Variants in GRM3 observed in about 807,000 individuals in gnomAD.
GRM3 encodes metabotropic glutamate receptor 3.
A neutral mutation model predicts 70.5 loss-of-function variants in GRM3; 26 were observed. That is an observed-to-expected ratio of 0.37 (90% CI 0.27 to 0.51). The LOEUF (loss-of-function observed/expected upper bound fraction) is 0.51, where lower values mean the gene tolerates loss of function less well. Among genes scored for constraint, GRM3 ranks in the 20% least tolerant of loss-of-function variants. The pLI, the probability that GRM3 is intolerant of heterozygous loss-of-function variation, is 0.93. For synonymous variants in GRM3, 443 were observed against 434.9 expected, an observed-to-expected ratio of 1.02 and a Z score of -0.23; for missense variants, 859 against 1,123.8, an observed-to-expected ratio of 0.76 and a Z score of 3.37.
chr7:86,769,494 G>T (rs1796686626), intron 2 of GRM3, among the ~76,000 whole-genome samples: 1 of 152,018 alleles, frequency 6.6e-6, no homozygotes, highest in Non-Finnish European at 1.5e-5. Context: ...CCCCATTTGG[G>T]CCTGGATTCC....
At chr7:86,675,674 G>A (rs1794288689) in intron 1 of GRM3, among the ~76,000 whole-genome samples, 1 of 152,018 alleles carries the variant, frequency 6.6e-6, no homozygotes, top group African/African-American at 2.4e-5. Context: ...ATATTGATCT[G>A]ATTTATCTCT....
intron 1 of GRM3, among the ~76,000 whole-genome samples, chr7:86,726,457 T>C (rs546312826): frequency 6.6e-6 from 1 of 152,336 alleles, no homozygotes; most frequent in African/African-American, 2.4e-5. Context: ...TTGCAATATA[T>C]AGTTCAGAGT....
chr7:86,732,122 T>C (rs1269119453), intron 1 of GRM3, among the ~76,000 whole-genome samples: 2 of 152,202 alleles, frequency 1.3e-5, no homozygotes, highest in Non-Finnish European at 2.9e-5. Flanking sequence ...ATATTCTATA[T>C]GGACTATCTT....
chr7:86,776,306 G>A (rs1018928351), intron 2 of GRM3, among the ~76,000 whole-genome samples: 16 of 152,294 alleles, frequency 1.1e-4, no homozygotes, highest in South Asian at 2.1e-4. Flanking sequence ...CACACAGCTA[G>A]TGAGAGGAGC....
intron 1 of GRM3, among the ~76,000 whole-genome samples, chr7:86,748,179 C>T (rs1284000996): frequency 6.6e-6 from 1 of 151,968 alleles, no homozygotes; most frequent in Non-Finnish European, 1.5e-5. Context: ...TCAGAGCATA[C>T]ACTTTATGTT....
At chr7:86,695,512 T>C (rs1188060584) in intron 1 of GRM3, among the ~76,000 whole-genome samples, 6 of 152,170 alleles carry the variant, frequency 3.9e-5, no homozygotes, top group Non-Finnish European at 7.4e-5. Context: ...AATGCAGTCA[T>C]CCACTCTATT....
intron 3 of GRM3, chr7:86,833,237 G>A (rs1798388731): frequency 7.4e-6 from 1 of 134,264 alleles, no homozygotes; most frequent in Non-Finnish European, 1.5e-5. Context: ...CACACTCTGG[G>A]GACTGTTGTG....
At position 86,653,768 on chromosome 7, in the gene GRM3, C is replaced by A. The variant is rs574284543; in HGVS notation, c.-141+8896C>A. On this transcript the variant is annotated intron_variant, in intron 1 of 5. Transcript: ENST00000361669. ...TGATATTCTTATTAGAAAACCTTCT[C>A]ACTTTTAATATTTTATCCTATATTT... Among the ~76,000 whole-genome samples the A allele has an allele frequency of 3.3e-5, 5 of 151,970 alleles. No homozygotes were observed. The East Asian group carries it at 5.8e-4, about 18-fold the overall frequency.
intron 1 of GRM3, among the ~76,000 whole-genome samples, chr7:86,737,252 A>C (rs894083531): frequency 6.6e-6 from 1 of 152,198 alleles, no homozygotes; most frequent in Non-Finnish European, 1.5e-5. Flanking sequence ...AAGGGCCAAA[A>C]CCCAGTGCTT....
intron 2 of GRM3, among the ~76,000 whole-genome samples, chr7:86,776,817 C>T (rs894804030): frequency 6.6e-6 from 1 of 152,158 alleles, no homozygotes; most frequent in African/African-American, 2.4e-5. Flanking sequence ...GGAAGTCATG[C>T]TTTCGCAGGT....
intron 1 of GRM3, among the ~76,000 whole-genome samples, chr7:86,666,842 C>T (rs1794039809): frequency 6.6e-6 from 1 of 152,030 alleles, no homozygotes; most frequent in African/African-American, 2.4e-5. Context: ...TTCTGTTTAT[C>T]CCATATGGAT....
chr7:86,725,848 T>G (rs527665922), intron 1 of GRM3, among the ~76,000 whole-genome samples: 1 of 152,080 alleles, frequency 6.6e-6, no homozygotes, highest in Non-Finnish European at 1.5e-5. Flanking sequence ...TGTCCTCACA[T>G]GGCAGAAGAA....
chr7:86,824,725 A>G (rs1404150577), intron 3 of GRM3, among the ~76,000 whole-genome samples: 5 of 152,218 alleles, frequency 3.3e-5, no homozygotes, highest in Admixed American at 6.5e-5. Context: ...TTTGGATGTT[A>G]ACAATGCCCC....
At chr7:86,744,127 A>G (rs1796049857) in intron 1 of GRM3, among the ~76,000 whole-genome samples, 1 of 151,966 alleles carries the variant, frequency 6.6e-6, no homozygotes, top group Admixed American at 6.6e-5. Flanking sequence ...GAAGCATCCC[A>G]CACCCAGGTC....
At chr7:86,828,906 G>GT (rs1436447355) in intron 3 of GRM3, among the ~76,000 whole-genome samples, 1 of 152,194 alleles carries the variant, frequency 6.6e-6, no homozygotes, top group African/African-American at 2.4e-5. Context: ...TATCAACTAA[G>GT]TTTATGTAAT....
intron 3 of GRM3, among the ~76,000 whole-genome samples, chr7:86,809,200 T>C (rs562380346): frequency 1.4e-4 from 21 of 152,196 alleles, no homozygotes; most frequent in African/African-American, 5.1e-4. Flanking sequence ...TTCTCTATTA[T>C]ACAATCCAAA....
At chr7:86,799,589 C>T (rs896630998) in intron 3 of GRM3, among the ~76,000 whole-genome samples, 6 of 151,852 alleles carry the variant, frequency 4.0e-5, no homozygotes, top group South Asian at 2.1e-4. Context: ...TGCAGTGGTG[C>T]GATCTCCGCT....
At chr7:86,793,901 T>A (rs954391810) in intron 3 of GRM3, among the ~76,000 whole-genome samples, 2 of 152,096 alleles carry the variant, frequency 1.3e-5, no homozygotes, top group African/African-American at 4.8e-5. Flanking sequence ...AAAAAAGTAA[T>A]GATCCCCAAT....
intron 1 of GRM3, among the ~76,000 whole-genome samples, chr7:86,713,676 C>A (rs1247246886): frequency 2.6e-5 from 4 of 152,058 alleles, no homozygotes; most frequent in Admixed American, 2.0e-4. Context: ...AAAATACAGT[C>A]TCTTGTTTGA....
Sources: gnomAD v4.1 joint callset for allele counts (sites outside exome capture counted in the v4.1 genomes callset) on GRCh38, gnomAD v4.1.1 for gene constraint, MANE v1.5 for transcripts, NCBI Gene and HGNC (gene_info 2026-07-23, HGNC 2026-07-21) for gene names.